Variants in NSMCE2 observed in about 807,000 individuals in gnomAD.
NSMCE2 encodes E3 SUMO-protein ligase NSE2.
Under a neutral mutation model 23.8 loss-of-function variants are expected in NSMCE2, and 24 were observed. That is an observed-to-expected ratio of 1.01 (90% CI 0.73 to 1.42). The LOEUF is 1.42. NSMCE2 is among the 40% of genes most tolerant of loss of function. NSMCE2 has a pLI of 0.00. For missense variants in NSMCE2, 284 were observed against 296.5 expected (o/e 0.96, Z 0.31); for synonymous variants, 92 against 94.1 (o/e 0.98, Z 0.13).
intron 5 of NSMCE2, among the ~76,000 whole-genome samples, chr8:125,340,242 C>T (rs929670734): frequency 2.0e-5 from 3 of 151,924 alleles, no homozygotes; most frequent in Non-Finnish European, 4.4e-5. Context: ...TACAGCATGA[C>T]GTTTAACCAT....
At chr8:125,193,439 T>C (rs563791282) in intron 5 of NSMCE2, among the ~76,000 whole-genome samples, 1 of 152,322 alleles carries the variant, frequency 6.6e-6, no homozygotes, top group Non-Finnish European at 1.5e-5. Context: ...AACAAATGGC[T>C]AATAAACATA....
intron 3 of NSMCE2, among the ~76,000 whole-genome samples, chr8:125,103,489 T>A (rs190829041): frequency 6.6e-6 from 1 of 152,278 alleles, no homozygotes; most frequent in Non-Finnish European, 1.5e-5. Context: ...TTGTTTGAGA[T>A]TTATGGATCT....
intron 4 of NSMCE2, among the ~76,000 whole-genome samples, chr8:125,157,179 C>G (rs912094910): frequency 6.6e-6 from 1 of 151,998 alleles, no homozygotes; most frequent in African/African-American, 2.4e-5. Context: ...ACAGGAGATT[C>G]CTGAGCATGA....
chr8:125,304,994 GGAAGGAAGGAAGGAAA>G, intron 5 of NSMCE2, among the ~76,000 whole-genome samples: 1 of 150,558 alleles, frequency 6.6e-6, no homozygotes, highest in South Asian at 2.1e-4. Context: ...AGGGAGGGAG[GGAAGGAAGGAAGGAAA>G]GAAAGAAGGA....
chr8:125,158,097 T>C (rs2130711903), intron 4 of NSMCE2, among the ~76,000 whole-genome samples: 1 of 152,306 alleles, frequency 6.6e-6, no homozygotes, highest in Non-Finnish European at 1.5e-5. Context: ...CTTTGGGAAG[T>C]GCTGCTGTGG....
intron 4 of NSMCE2, among the ~76,000 whole-genome samples, chr8:125,169,419 C>G (rs904536097): frequency 6.6e-6 from 1 of 152,150 alleles, no homozygotes. Flanking sequence ...GCTATAGGCT[C>G]CTTAAATTCA....
At chr8:125,099,876 G>C (rs1818102479) in intron 1 of NSMCE2, among the ~76,000 whole-genome samples, 1 of 152,100 alleles carries the variant, frequency 6.6e-6, no homozygotes, top group Admixed American at 6.5e-5. Flanking sequence ...GGATGTTTTT[G>C]AGATGGGAGA....
chr8:125,307,340 AAAG>A (rs1227796266), intron 5 of NSMCE2, among the ~76,000 whole-genome samples: 13 of 152,354 alleles, frequency 8.5e-5, no homozygotes, highest in Admixed American at 6.5e-5. Flanking sequence ...AGTATATGAT[AAAG>A]AAGATAGGCA....
intron 3 of NSMCE2, among the ~76,000 whole-genome samples, chr8:125,119,392 G>A (rs112768951): frequency 6.6e-6 from 1 of 152,164 alleles, no homozygotes; most frequent in African/African-American, 2.4e-5. Context: ...TTAAAACAGC[G>A]TGTATAGTAT....
intron 5 of NSMCE2, among the ~76,000 whole-genome samples, chr8:125,193,174 T>C (rs985673835): frequency 6.6e-6 from 1 of 152,198 alleles, no homozygotes; most frequent in East Asian, 1.9e-4. Flanking sequence ...GAGTATTCAG[T>C]ATGATTACAA....
intron 5 of NSMCE2, among the ~76,000 whole-genome samples, chr8:125,194,065 A>C (rs76146700): frequency 6.6e-6 from 1 of 152,310 alleles, no homozygotes; most frequent in African/African-American, 2.4e-5. Flanking sequence ...GTATTTCATA[A>C]GGCATATTTT....
intron 7 of NSMCE2, among the ~76,000 whole-genome samples, chr8:125,362,137 C>T (rs957087263): frequency 3.9e-5 from 6 of 152,226 alleles, no homozygotes; most frequent in African/African-American, 1.2e-4. Flanking sequence ...TCCTGCACAG[C>T]GATGATGCGG....
chr8:125,305,593 G>A (rs1229765040), intron 5 of NSMCE2, among the ~76,000 whole-genome samples: 1 of 152,176 alleles, frequency 6.6e-6, no homozygotes. Flanking sequence ...TTATGGTGTT[G>A]GAGAGTGAAT....
At position 125,272,812 on chromosome 8, in the gene NSMCE2, C is replaced by T. The variant is rs534217437; in HGVS notation, c.419-84407C>T. On this transcript the variant is annotated intron_variant, in intron 5 of 7. Coordinates refer to ENST00000287437, the MANE Select transcript of NSMCE2 (RefSeq NM_173685.4). ...ACACATGTGTATATATATACACACA[C>T]GTATATATATACACATATATATACA... 1.6e-4 allele frequency among the ~76,000 whole-genome samples: 21 copies of T among 130,348 alleles called. 1 individual carries two copies. The highest frequency in any genetic ancestry group is 1.6e-3 in the South Asian group (7 of 4,476). 85.5% of individuals were successfully genotyped at this position (130,348 alleles called of 152,430 possible). A position where few individuals can be genotyped will look rare whatever the true frequency, so the allele number is the denominator to read the frequency against.
At chr8:125,238,332 G>A (rs901341227) in intron 5 of NSMCE2, among the ~76,000 whole-genome samples, 1 of 152,118 alleles carries the variant, frequency 6.6e-6, no homozygotes, top group South Asian at 2.1e-4. Context: ...CAAGTTCCAT[G>A]TAAGTTATAG....
At chr8:125,110,762 GTTTTTTTTT>G (rs1017002301) in intron 3 of NSMCE2, among the ~76,000 whole-genome samples, 1 of 41,826 alleles carries the variant, frequency 2.4e-5, no homozygotes. Flanking sequence ...GGTTGTTGTT[GTTTTTTTTT>G]TTTTTTTTTT....
intron 4 of NSMCE2, among the ~76,000 whole-genome samples, chr8:125,158,873 A>G (rs1408332512): frequency 6.6e-6 from 1 of 152,246 alleles, no homozygotes; most frequent in African/African-American, 2.4e-5. Flanking sequence ...AAATGTTAAA[A>G]TTCAGTGTAA....
chr8:125,245,320 C>T (rs1316730102), intron 5 of NSMCE2, among the ~76,000 whole-genome samples: 3 of 152,070 alleles, frequency 2.0e-5, no homozygotes, highest in Admixed American at 6.6e-5. Flanking sequence ...TGAAATTGGA[C>T]TTGCCACATT....
At chr8:125,272,716 A>AT (rs397765906) in intron 5 of NSMCE2, among the ~76,000 whole-genome samples, 26 of 140,486 alleles carry the variant, frequency 1.9e-4, no homozygotes, top group Admixed American at 7.8e-4. Context: ...ATATATATAT[A>AT]ATATATATAT....
Sources: allele counts gnomAD v4.1 joint callset (sites outside exome capture counted in the v4.1 genomes callset), GRCh38; gene constraint gnomAD v4.1.1; transcripts MANE v1.5; gene names NCBI Gene and HGNC (gene_info 2026-07-23, HGNC 2026-07-21).